The following PUDP variants were observed in gnomAD, a reference collection of about 807,000 sequenced individuals.
PUDP encodes pseudouridine-5'-phosphatase.
A neutral mutation model predicts 9.4 loss-of-function variants in PUDP; 8 were observed. The ratio of observed to expected loss-of-function variants is 0.85; its 90% CI spans 0.50 to 1.53. The LOEUF (loss-of-function observed/expected upper bound fraction) is 1.53, where lower values mean the gene tolerates loss of function less well. Ranked by LOEUF, PUDP falls within the 40% of genes most tolerant of loss-of-function variation. PUDP has a pLI of 0.00. For missense variants in PUDP, 188 were observed against 189.7 expected, an observed-to-expected ratio of 0.99 and a Z score of 0.05; for synonymous variants, 99 against 80.7, an observed-to-expected ratio of 1.23 and a Z score of -1.22.
intron 3 of PUDP, among the ~76,000 whole-genome samples, chrX:6,798,729 A>G (rs763334295): frequency 1.8e-5 from 2 of 112,227 alleles, no homozygotes; most frequent in Admixed American, 1.9e-4. Flanking sequence ...TTTCAATCAA[A>G]TATCTTGCAA....
rs778289645 is a variant in PUDP, at chrX:7,075,982, G to A, written c.510+1238C>T. On this transcript the variant is annotated intron_variant, in intron 3 of 3. Coordinates refer to ENST00000381077, the MANE Select transcript of PUDP (RefSeq NM_012080.5). Reference sequence around the variant, plus strand: ...TTGTGGGACTGGGGCCTTAACCTTCGGGGTCTGGGCTAACCGTAGGAGTCA... The same window carrying A: ...TTGTGGGACTGGGGCCTTAACCTTCAGGGTCTGGGCTAACCGTAGGAGTCA... Among the ~76,000 whole-genome samples, 12 of 110,858 alleles carry A rather than the reference G, an allele frequency of 1.1e-4. No individual in the cohort carries two copies. The East Asian group carries it at 1.7e-3, about 16-fold the overall frequency.
At chrX:7,082,016 C>T (rs747174847) in intron 2 of PUDP, among the ~76,000 whole-genome samples, 2 of 112,146 alleles carry the variant, frequency 1.8e-5, no homozygotes, top group African/African-American at 3.2e-5. Context: ...AAGTAAAAGA[C>T]GAAAAAATGC....
At chrX:7,074,834 TG>T (rs1335226604) in intron 3 of PUDP, among the ~76,000 whole-genome samples, 1 of 112,472 alleles carries the variant, frequency 8.9e-6, no homozygotes, top group African/African-American at 3.2e-5. Context: ...ATGTTCCCAC[TG>T]GGAGCTGTTC....
chrX:6,819,494 T>C (rs1269423924), intron 3 of PUDP, among the ~76,000 whole-genome samples: 2 of 112,567 alleles, frequency 1.8e-5, no homozygotes, highest in South Asian at 7.3e-4. Flanking sequence ...TGGAGCACCA[T>C]ACATTGCCAA....
chrX:6,961,372 T>C (rs1928706026), intron 3 of PUDP, among the ~76,000 whole-genome samples: 1 of 110,043 alleles, frequency 9.1e-6, no homozygotes, highest in African/African-American at 3.3e-5. Context: ...GGCAACAGAG[T>C]GAGACCCTGT....
chrX:6,836,082 A>C (rs192530125), intron 3 of PUDP, among the ~76,000 whole-genome samples: 1 of 111,184 alleles, frequency 9.0e-6, no homozygotes, highest in African/African-American at 3.2e-5. Flanking sequence ...TATTACCTGC[A>C]CTATAATAAG....
At chrX:6,752,320 A>T (rs977639401) in intron 3 of PUDP, among the ~76,000 whole-genome samples, 16 of 111,193 alleles carry the variant, frequency 1.4e-4, no homozygotes, top group African/African-American at 5.2e-4. Context: ...CTCTTTGCAC[A>T]TACCTGGCCA....
chrX:6,884,984 A>C (rs1422825994), intron 3 of PUDP, among the ~76,000 whole-genome samples: 1 of 111,805 alleles, frequency 8.9e-6, no homozygotes, highest in African/African-American at 3.2e-5. Flanking sequence ...AAGGAGATGG[A>C]AAGTTTCCAG....
chrX:6,892,882 A>G (rs968433548), intron 3 of PUDP, among the ~76,000 whole-genome samples: 1 of 111,207 alleles, frequency 9.0e-6, no homozygotes, highest in South Asian at 3.8e-4. Flanking sequence ...CCAGAAACCA[A>G]CTCTACTGAT....
chrX:6,781,357 T>C (rs1168854292), intron 3 of PUDP, among the ~76,000 whole-genome samples: 2 of 112,014 alleles, frequency 1.8e-5, no homozygotes, highest in Non-Finnish European at 3.8e-5. Context: ...ATTACGGCAC[T>C]CTTTTTTTAT....
At position 6,918,890 on chromosome X, in the gene PUDP, T is replaced by TG. The variant is rs774641448; in HGVS notation, c.*247+58242dup. On this transcript the variant is annotated intron_variant and NMD_transcript_variant, in intron 3 of 3. Transcript: ENST00000655425. ...CAGAAATATTCAGTCAATCCTACAA[T>TG]GTAAATCTTTACACAAGGATACATT... Among the ~76,000 whole-genome samples, 46 of 112,545 alleles carry TG rather than the reference T, an allele frequency of 4.1e-4. 1 individual carries two copies. The highest frequency in any genetic ancestry group is 1.4e-3 in the African/African-American group (43 of 31,061).
chrX:6,715,697 G>A (rs1007104001), intron 1 of PUDP, among the ~76,000 whole-genome samples: 1 of 112,297 alleles, frequency 8.9e-6, no homozygotes, highest in Non-Finnish European at 1.9e-5. Flanking sequence ...TCAGGACGAA[G>A]TGAGTTCAAA....
chrX:6,972,698 G>T (rs1602696829), intron 3 of PUDP, among the ~76,000 whole-genome samples: 1 of 111,919 alleles, frequency 8.9e-6, no homozygotes, highest in East Asian at 2.8e-4. Flanking sequence ...CCAGGTTTTG[G>T]TATCAGGATG....
At chrX:6,751,358 C>G (rs764876215) in intron 3 of PUDP, among the ~76,000 whole-genome samples, 1 of 111,253 alleles carries the variant, frequency 9.0e-6, no homozygotes, top group Non-Finnish European at 1.9e-5. Context: ...ACTTGCTTGA[C>G]AATTCCCTTC....
downstream of PUDP, among the ~76,000 whole-genome samples, chrX:7,045,622 T>C (rs1462938559): frequency 8.9e-6 from 1 of 111,945 alleles, no homozygotes; most frequent in East Asian, 2.8e-4. Context: ...TTTGGTTGTG[T>C]GGAAGTGACC....
Position 6,927,164 on chromosome X carries a change from G to A in PUDP, c.*247+49969C>T, listed in dbSNP as rs1374928236. ...ACCCAGGCTGGTCTCGAATTCCTGAGCTCAAGCGATCCTCCCACCTTGGCC... is the reference window on the plus strand; with the variant it reads ...ACCCAGGCTGGTCTCGAATTCCTGAACTCAAGCGATCCTCCCACCTTGGCC... On this transcript the variant is annotated intron_variant and NMD_transcript_variant, in intron 3 of 3. Coordinates refer to the PUDP transcript ENST00000655425. Among the ~76,000 whole-genome samples, 3 of 109,372 alleles carry A rather than the reference G, an allele frequency of 2.7e-5. No homozygotes were observed. The East Asian group carries it at 8.6e-4, about 31-fold the overall frequency. 95.0% of individuals were successfully genotyped at this position (109,372 alleles called of 115,157 possible). A position where few individuals can be genotyped will look rare whatever the true frequency, so the allele number is the denominator to read the frequency against.
chrX:6,990,257 C>T (rs965636322), intron 1 of PUDP, among the ~76,000 whole-genome samples: 3 of 111,428 alleles, frequency 2.7e-5, no homozygotes, highest in Non-Finnish European at 3.8e-5. Context: ...GAGCCCCTCC[C>T]TAACCCGAAT....
intron 1 of PUDP, among the ~76,000 whole-genome samples, chrX:7,134,034 G>T (rs769386096): frequency 8.9e-6 from 1 of 111,902 alleles, no homozygotes; most frequent in East Asian, 2.8e-4. Flanking sequence ...TATTTTGGTA[G>T]GCATGCAATA....
intron 3 of PUDP, among the ~76,000 whole-genome samples, chrX:6,944,467 G>A (rs951952670): frequency 3.7e-5 from 4 of 107,173 alleles, no homozygotes; most frequent in African/African-American, 1.4e-4. Flanking sequence ...ATACATCAGG[G>A]ACCCCTCTTA....
Sources: gnomAD v4.1 joint callset for allele counts (sites outside exome capture counted in the v4.1 genomes callset) on GRCh38, gnomAD v4.1.1 for gene constraint, MANE v1.5 for transcripts, NCBI Gene and HGNC (gene_info 2026-07-23, HGNC 2026-07-21) for gene names.